The following CCBE1 variants were observed in gnomAD, a reference collection of about 807,000 sequenced individuals.
CCBE1 encodes the protein collagen and calcium-binding EGF domain-containing protein 1.
A neutral mutation model predicts 50.0 loss-of-function variants in CCBE1; 37 were observed. The ratio of observed to expected loss-of-function variants is 0.74; its 90% CI spans 0.57 to 0.97. The LOEUF (loss-of-function observed/expected upper bound fraction) is 0.97. Ranked by LOEUF, CCBE1 falls within the 50% of genes least tolerant of loss-of-function variation. The pLI is 0.00. For synonymous variants in CCBE1, 234 were observed against 203.7 expected, an observed-to-expected ratio of 1.15 and a Z score of -1.27; for missense variants, 538 against 523.8, an observed-to-expected ratio of 1.03 and a Z score of -0.26.
chr18:59,595,611 GC>G (rs1351044491), intron 2 of CCBE1, among the ~76,000 whole-genome samples: 1 of 152,112 alleles, frequency 6.6e-6, no homozygotes, highest in East Asian at 1.9e-4. Context: ...TGGCCATGTT[GC>G]CTTAAATTCC....
chr18:59,675,793 G>A (rs972524064), intron 2 of CCBE1, among the ~76,000 whole-genome samples: 1 of 152,204 alleles, frequency 6.6e-6, no homozygotes, highest in Non-Finnish European at 1.5e-5. Flanking sequence ...GGTGCTGCTA[G>A]AGGAGGTATA....
At chr18:59,625,688 A>G (rs1260094070) in intron 2 of CCBE1, among the ~76,000 whole-genome samples, 2 of 146,832 alleles carry the variant, frequency 1.4e-5, no homozygotes, top group African/African-American at 5.1e-5. Context: ...GCCACCCGCC[A>G]ATTCTTACAT....
At chr18:59,647,722 GAGA>G (rs1174132562) in intron 2 of CCBE1, among the ~76,000 whole-genome samples, 3 of 152,178 alleles carry the variant, frequency 2.0e-5, no homozygotes, top group African/African-American at 7.2e-5. Flanking sequence ...CTTATAAGGA[GAGA>G]AGGACAGAAT....
intron 2 of CCBE1, among the ~76,000 whole-genome samples, chr18:59,673,741 C>A: frequency 6.6e-6 from 1 of 152,112 alleles, no homozygotes; most frequent in African/African-American, 2.4e-5. Flanking sequence ...TGATGGATTA[C>A]GTTTATTGAT....
intron 2 of CCBE1, among the ~76,000 whole-genome samples, chr18:59,636,965 T>G (rs1183414791): frequency 6.6e-6 from 1 of 152,248 alleles, no homozygotes; most frequent in East Asian, 1.9e-4. Context: ...GTGTGACTTC[T>G]AATATTCTAA....
At chr18:59,454,017 C>T (rs995685589) in intron 6 of CCBE1, among the ~76,000 whole-genome samples, 1 of 152,122 alleles carries the variant, frequency 6.6e-6, no homozygotes, top group Admixed American at 6.5e-5. Flanking sequence ...AAAGTACCCA[C>T]AGGGCTGCTT....
chr18:59,639,926 T>C (rs557971917), intron 2 of CCBE1, among the ~76,000 whole-genome samples: 63 of 152,202 alleles, frequency 4.1e-4, no homozygotes, highest in Middle Eastern at 3.4e-3. Context: ...CCTAGGAATA[T>C]AGCTGAACAG....
chr18:59,483,991 A>G (rs1912697735), intron 2 of CCBE1, among the ~76,000 whole-genome samples: 1 of 152,118 alleles, frequency 6.6e-6, no homozygotes, highest in Admixed American at 6.6e-5. Context: ...TAATTTTCCA[A>G]CCTCTCAAAC....
At chr18:59,675,514 G>A (rs758302028) in intron 2 of CCBE1, among the ~76,000 whole-genome samples, 16 of 152,304 alleles carry the variant, frequency 1.1e-4, no homozygotes, top group Admixed American at 4.6e-4. Flanking sequence ...TAAGTGGACA[G>A]CTCCCGTGTT....
At chr18:59,693,338 G>A (rs1024368175) in intron 2 of CCBE1, among the ~76,000 whole-genome samples, 5 of 152,054 alleles carry the variant, frequency 3.3e-5, no homozygotes, top group Admixed American at 2.6e-4. Flanking sequence ...TTTCATTTGT[G>A]ACCAGCTTTC....
intron 2 of CCBE1, among the ~76,000 whole-genome samples, chr18:59,599,528 C>G (rs770296103): frequency 5.3e-5 from 8 of 152,150 alleles, no homozygotes; most frequent in Non-Finnish European, 8.8e-5. Flanking sequence ...TAATGGAATT[C>G]ATTAATATGG....
intron 2 of CCBE1, among the ~76,000 whole-genome samples, chr18:59,690,391 C>A (rs964119355): frequency 6.6e-6 from 1 of 152,182 alleles, no homozygotes; most frequent in Non-Finnish European, 1.5e-5. Context: ...AGAATGTGAT[C>A]TTTGTTCTCT....
At chr18:59,635,341 C>T (rs1218432722) in intron 2 of CCBE1, among the ~76,000 whole-genome samples, 1 of 150,970 alleles carries the variant, frequency 6.6e-6, no homozygotes, top group Non-Finnish European at 1.5e-5. Context: ...AGTATGTCAC[C>T]ATAGGACTTG....
chr18:59,544,315 C>A (rs1915600068), intron 2 of CCBE1, among the ~76,000 whole-genome samples: 1 of 151,030 alleles, frequency 6.6e-6, no homozygotes, highest in Admixed American at 6.7e-5. Context: ...GAATCACTAA[C>A]TGTATTTGTC....
In CCBE1 at chr18:59,469,474, C is replaced by A. The variant is rs1254454837; in HGVS notation, c.399G>T (p.Leu133=). The stretch of plus-strand genomic sequence containing the variant: ...GAAACAAGCACATTCCCAACACACC[C>A]AGACAGTATGGCTTCTCCCGCTTCC... ...RHRKREKPYC[L]DIDECASSNG... The change falls in exon 4 of 11, where the codon CTG becomes CTT. Residue 133 remains leucine, a splice_region_variant and synonymous_variant. Transcript: ENST00000439986. 1.2e-5 allele frequency: 19 copies of A among 1,614,224 alleles called. No homozygotes were observed. Among genetic ancestry groups the A allele is most frequent in the Non-Finnish European group, 1.6e-5 (19 of 1,180,038 alleles).
intron 2 of CCBE1, among the ~76,000 whole-genome samples, chr18:59,551,516 A>G (rs1410002066): frequency 1.3e-5 from 2 of 152,232 alleles, no homozygotes; most frequent in East Asian, 1.9e-4. Flanking sequence ...TGGCTATATC[A>G]TCACTAGCTT....
At chr18:59,656,259 G>A (rs2054187904) in intron 2 of CCBE1, among the ~76,000 whole-genome samples, 2 of 152,172 alleles carry the variant, frequency 1.3e-5, no homozygotes. Context: ...GGGCACTAGA[G>A]TTGACTGAAT....
intron 2 of CCBE1, among the ~76,000 whole-genome samples, chr18:59,487,875 TCAAA>T (rs1444658621): frequency 6.6e-6 from 1 of 152,198 alleles, no homozygotes; most frequent in African/African-American, 2.4e-5. Flanking sequence ...AAGCAGGGAC[TCAAA>T]CAGATATTTG....
chr18:59,588,989 C>G (rs964060301), intron 2 of CCBE1, among the ~76,000 whole-genome samples: 1 of 152,342 alleles, frequency 6.6e-6, no homozygotes, highest in East Asian at 1.9e-4. Context: ...TACTTCCTGA[C>G]GGATGGCTTT....
Sources: allele counts gnomAD v4.1 joint callset (sites outside exome capture counted in the v4.1 genomes callset), GRCh38; gene constraint gnomAD v4.1.1; transcripts MANE v1.5; gene names NCBI Gene and HGNC (gene_info 2026-07-23, HGNC 2026-07-21).